RNF17: variants seen among roughly 807,000 people sequenced by gnomAD.
The protein encoded by RNF17 is spermatogenesis associated 23.
In RNF17, 31 loss-of-function variants were observed where a neutral mutation model predicts 200.5. That is an observed-to-expected ratio of 0.15 (90% CI 0.12 to 0.21). The LOEUF is 0.21. Among genes scored for constraint, RNF17 ranks in the 10% least tolerant of loss-of-function variants. The pLI is 1.00. For missense variants in RNF17, 1,628 were observed against 1,905.1 expected, an observed-to-expected ratio of 0.85 and a Z score of 2.71; for synonymous variants, 606 against 637.8, an observed-to-expected ratio of 0.95 and a Z score of 0.75.
intron 33 of RNF17, among the ~76,000 whole-genome samples, chr13:24,875,614 GA>G (rs1331764445): frequency 6.6e-6 from 1 of 152,162 alleles, no homozygotes; most frequent in Non-Finnish European, 1.5e-5. Context: ...GCTTTCAATG[GA>G]AACTGTAGAC....
intron 25 of RNF17, 77 bp downstream of exon 25, chr13:24,854,221 T>C: frequency 1.8e-6 from 2 of 1,102,486 alleles, no homozygotes; most frequent in Non-Finnish European, 2.6e-6. Context: ...GGCAACCTCT[T>C]TGAACGTTAT....
At chr13:24,794,745 C>CA (rs1374460801) in intron 10 of RNF17, among the ~76,000 whole-genome samples, 1 of 152,118 alleles carries the variant, frequency 6.6e-6, no homozygotes, top group South Asian at 2.1e-4. Flanking sequence ...TTTTTTGAGA[C>CA]AGAGTCTTAC....
intron 10 of RNF17, chr13:24,794,020 T>A (rs1884224451): frequency 3.0e-6 from 1 of 331,550 alleles, no homozygotes; most frequent in African/African-American, 2.2e-5. Context: ...AAGATACCTG[T>A]AATAACTTTA....
At chr13:24,797,590 T>C (rs543610644) in intron 11 of RNF17, among the ~76,000 whole-genome samples, 14 of 152,272 alleles carry the variant, frequency 9.2e-5, no homozygotes, top group African/African-American at 3.4e-4. Context: ...TGTGTGGGTT[T>C]TTTCAGGTAC....
At chr13:24,870,801 G>A in intron 32 of RNF17, 62 bp downstream of exon 32, 1 of 1,383,426 alleles carries the variant, frequency 7.2e-7, no homozygotes, top group Admixed American at 1.8e-5. Context: ...TGTTTCAATG[G>A]GCTGATGACC....
intron 30 of RNF17, among the ~76,000 whole-genome samples, chr13:24,867,568 T>C (rs1893761737): frequency 6.6e-6 from 1 of 152,216 alleles, no homozygotes; most frequent in Admixed American, 6.5e-5. Flanking sequence ...GTTCAAACTT[T>C]TTTTTTGTCT....
chr13:24,885,372 C>T, the RNF17 span: 3 of 1,613,090 alleles, frequency 1.9e-6, no homozygotes, highest in African/African-American at 1.3e-5. Flanking sequence ...CAAGTGGCTC[C>T]CTGGGAGAGG....
intron 16 of RNF17, among the ~76,000 whole-genome samples, chr13:24,827,718 C>CA (rs1250308715): frequency 7.3e-5 from 4 of 54,654 alleles, no homozygotes; most frequent in African/African-American, 1.8e-4. Context: ...AAAAAAAAAA[C>CA]AAAAAAAAAA....
At chr13:24,834,296 C>A (rs1462669875) in intron 18 of RNF17, among the ~76,000 whole-genome samples, 1 of 152,060 alleles carries the variant, frequency 6.6e-6, no homozygotes, top group East Asian at 1.9e-4. Context: ...GCACCTGTTA[C>A]TCCCAGCTAC....
chr13:24,811,940 C>G (rs7336521), intron 15 of RNF17, among the ~76,000 whole-genome samples: 1 of 151,822 alleles, frequency 6.6e-6, no homozygotes, highest in African/African-American at 2.4e-5. Flanking sequence ...GGGTGCCTCC[C>G]AGTTAGGCTG....
chr13:24,831,835 T>G lies in RNF17; in HGVS notation c.2362-23T>G, dbSNP rs147029525. ...GGTAGAAATTAAATTTTTTTCTTAA[T>G]GGTGGAATTTTGTCTGACACAGGCA... On this transcript the variant is annotated intron_variant, in intron 17 of 35. Transcript: ENST00000255324. 3.4e-4 allele frequency: 531 copies of G among 1,583,802 alleles called. 1 individual carries two copies. In the African/African-American group the frequency reaches 6.7e-3, roughly 20 times the overall value.
At chr13:24,754,174 AAAAT>A in the RNF17 span, among the ~76,000 whole-genome samples, 6 of 151,446 alleles carry the variant, frequency 4.0e-5, no homozygotes, top group African/African-American at 1.2e-4. Flanking sequence ...AATTAAAAAA[AAAAT>A]AAAATAAAAT....
rs149221316 is a variant in RNF17, at chr13:24,870,699, G to T, written c.4407G>T (p.Lys1469Asn). 4.2e-5 allele frequency: 67 copies of T among 1,613,948 alleles called. No individual in the cohort carries two copies. In the African/African-American group the frequency reaches 7.7e-4, roughly 19 times the overall value. ...SLDEALQRVNKKVEALPPLTD... is the reference protein window; with the variant it reads ...SLDEALQRVNNKVEALPPLTD... ...ATGAAGCACTGCAGAGGGTTAATAA[G>T]AAGGTAGAGGCGCTTCCTCCTCTGA... Residue 1469 changes from lysine (K) to asparagine (N), a missense_variant, in exon 32 of 36, where the codon AAG (lysine) becomes AAT (asparagine). Lys to Asn is a moderately conservative substitution (Grantham distance 94). Coordinates refer to ENST00000255324, the MANE Select transcript of RNF17 (RefSeq NM_031277.3).
intron 15 of RNF17, among the ~76,000 whole-genome samples, chr13:24,810,193 C>G (rs1428802294): frequency 3.9e-4 from 56 of 142,018 alleles, no homozygotes; most frequent in Admixed American, 5.0e-4. Context: ...TCCTGGGTAT[C>G]CTTGTTGACT....
At chr13:24,855,477 A>C (rs780429602) in intron 25 of RNF17, among the ~76,000 whole-genome samples, 5 of 152,010 alleles carry the variant, frequency 3.3e-5, no homozygotes, top group Non-Finnish European at 5.9e-5. Context: ...AAAATACAAA[A>C]ATTAGCTGGA....
intron 30 of RNF17, 90 bp downstream of exon 30, chr13:24,866,293 G>A: frequency 1.4e-6 from 1 of 694,028 alleles, no homozygotes; most frequent in Non-Finnish European, 2.5e-6. Flanking sequence ...TTTTATAACA[G>A]TTTTATTATT....
At chr13:24,806,647 C>CT (rs1885881808) in intron 15 of RNF17, among the ~76,000 whole-genome samples, 3 of 151,996 alleles carry the variant, frequency 2.0e-5, no homozygotes, top group South Asian at 4.2e-4. Context: ...TAATAGCGTT[C>CT]TTTTTTTATT....
chr13:24,810,121 A>G (rs977345363), intron 15 of RNF17, among the ~76,000 whole-genome samples: 2 of 150,924 alleles, frequency 1.3e-5, no homozygotes, highest in African/African-American at 2.4e-5. Flanking sequence ...TATTCTGTTG[A>G]TTTGGGGTGG....
In RNF17 at chr13:24,788,483, G is replaced by A. The variant is rs182970784; in HGVS notation, c.783+324G>A. ...GAAAGTTTAGGTTTCTAGGACACCC[G>A]ATTAAAAAAATGAGGACAAATAAGG... is the stretch of plus-strand genomic sequence containing the variant. On this transcript the variant is annotated intron_variant, in intron 7 of 35. Coordinates refer to ENST00000255324, the MANE Select transcript of RNF17 (RefSeq NM_031277.3). 1.5e-3 allele frequency among the ~76,000 whole-genome samples: 234 copies of A among 152,046 alleles called. 3 individuals are homozygous for A. Among genetic ancestry groups the A allele is most frequent in the Non-Finnish European group, 2.2e-4 (15 of 67,954 alleles).
Sources: allele counts gnomAD v4.1 joint callset (sites outside exome capture counted in the v4.1 genomes callset), GRCh38; gene constraint gnomAD v4.1.1; transcripts MANE v1.5; gene names NCBI Gene and HGNC (gene_info 2026-07-23, HGNC 2026-07-21).